DENND2D: variants seen among roughly 807,000 people sequenced by gnomAD.
The protein encoded by DENND2D is DENN domain containing 2D.
Under a neutral mutation model 59.8 loss-of-function variants are expected in DENND2D, and 37 were observed. The observed-to-expected ratio is 0.62, with a 90% CI of 0.48 to 0.81. The LOEUF is 0.81. Among genes scored for constraint, DENND2D ranks in the 40% least tolerant of loss-of-function variants. The pLI is 0.00. For missense variants in DENND2D, 525 were observed against 579.7 expected (o/e 0.91, Z 0.97); for synonymous variants, 219 against 211.3 (o/e 1.04, Z -0.31).
intron 6 of DENND2D, chr1:111,195,690 A>G (rs1203723807): frequency 7.6e-6 from 4 of 528,914 alleles, no homozygotes; most frequent in Non-Finnish European, 1.3e-5. Flanking sequence ...TTATAAATAA[A>G]AGTCTTGGTG....
chr1:111,197,575 C>T (rs989720198), intron 4 of DENND2D: 1 of 1,355,278 alleles, frequency 7.4e-7, no homozygotes, highest in South Asian at 1.7e-5. Context: ...CTCCTGAGAC[C>T]TAAGATTTGA....
intron 6 of DENND2D, chr1:111,195,486 C>T (rs629619): frequency 0.18 from 32,059 of 177,596 alleles, 3,086 homozygotes; most frequent in Middle Eastern, 0.23. Context: ...TGCCTTAAAA[C>T]GATAGCATTC....
intron 9 of DENND2D, 104 bp from the exon 10 acceptor site, chr1:111,188,890 C>T: frequency 2.1e-6 from 2 of 962,302 alleles, no homozygotes; most frequent in Admixed American, 1.8e-5. Context: ...CCCCACTCCA[C>T]CCGCAAATAG....
chr1:111,199,993 A>G (rs1658640364), intron 1 of DENND2D, 195 bp from the exon 2 acceptor site: 2 of 675,418 alleles, frequency 3.0e-6, no homozygotes, highest in Non-Finnish European at 4.8e-6. Flanking sequence ...GGTAGACTTG[A>G]AACCATGGGG....
chr1:111,199,734 CAA>C lies in DENND2D; in HGVS notation c.130_131del (p.Leu44AlafsTer11), dbSNP rs778550781. On this transcript the variant is annotated frameshift_variant, in exon 2 of 12. Coordinates refer to ENST00000357640, the MANE Select transcript of DENND2D (RefSeq NM_024901.5). LOFTEE classifies it high-confidence loss of function. ...KEPERAQEHS[L>X]PNFAGGQHFF... ...AGTGCTGCCCCCCAGCAAAGTTGGG[CAA>C]AGAGTGCTCCTGGGCCCTTTCTGGT... 1.9e-6 allele frequency: 3 copies of C among 1,614,128 alleles called. No individual in the cohort carries two copies. The highest frequency in any genetic ancestry group is 2.5e-6 in the Non-Finnish European group (3 of 1,180,006).
upstream of DENND2D, chr1:111,201,445 G>A (rs893867956): frequency 6.6e-6 from 1 of 152,248 alleles, no homozygotes; most frequent in African/African-American, 2.4e-5. Flanking sequence ...AAAACATCTG[G>A]GTGATCTCCA....
chr1:111,195,534 T>G (rs550750080), intron 6 of DENND2D: 2 of 208,646 alleles, frequency 9.6e-6, no homozygotes, highest in East Asian at 1.5e-4. Context: ...TGGGGATGGA[T>G]GATAAGAAAT....
chr1:111,200,500 A>G lies in DENND2D; in HGVS notation c.-41T>C. 1 of 1,577,600 alleles carries G rather than the reference A, an allele frequency of 6.3e-7. No individual in the cohort carries two copies. Among genetic ancestry groups the G allele is most frequent in the Non-Finnish European group, 8.6e-7 (1 of 1,161,346 alleles). ...ACAGAGCGGACTCCCCTCTCCCCTA[A>G]CACAGACAGACTGGTGACAGTAAGC... On this transcript the variant is annotated 5_prime_UTR_variant, in exon 1 of 12. Transcript: ENST00000357640.
Position 111,197,267 on chromosome 1 carries a change from GA to G in DENND2D, c.427-15del. ...AGGGCCGGCAGGCTGGGGAGGGACAGAGAGGCTCCTTCAGTGCTGCAGCCTC... is the reference window on the plus strand; with the variant it reads ...AGGGCCGGCAGGCTGGGGAGGGACAGGAGGCTCCTTCAGTGCTGCAGCCTC... On this transcript the variant is annotated splice_polypyrimidine_tract_variant and intron_variant, in intron 4 of 11. Coordinates refer to ENST00000357640, the MANE Select transcript of DENND2D (RefSeq NM_024901.5). The G allele has an allele frequency of 6.2e-7, 1 of 1,608,388 alleles. No individual in the cohort carries two copies. Among genetic ancestry groups the G allele is most frequent in the Non-Finnish European group, 8.5e-7 (1 of 1,177,936 alleles).
chr1:111,199,286 G>A (rs866138845), intron 2 of DENND2D, among the ~76,000 whole-genome samples: 3 of 152,332 alleles, frequency 2.0e-5, no homozygotes, highest in South Asian at 2.1e-4. Context: ...CATTCTAGGA[G>A]TTCTGGCAGA....
chr1:111,190,077 T>C (rs540353209), intron 8 of DENND2D, among the ~76,000 whole-genome samples: 2 of 145,126 alleles, frequency 1.4e-5, no homozygotes, highest in Non-Finnish European at 3.0e-5. Context: ...GGCAGGAGAA[T>C]GGCGTGAACC....
In DENND2D at chr1:111,197,251, A is replaced by C; in HGVS notation, c.429T>G (p.Pro143=). The change falls in exon 5 of 12, where the codon CCT becomes CCG. Residue 143 remains proline (P), a splice_region_variant and synonymous_variant. Coordinates refer to ENST00000357640, the MANE Select transcript of DENND2D (RefSeq NM_024901.5). ...TGGGAAGGCGAGGGCCAGGGCCGGC[A>C]GGCTGGGGAGGGACAGAGAGGCTCC... ...RKIGYCRRLL[P]AGPGPRLPKV... The C allele has an allele frequency of 6.2e-7, 1 of 1,612,138 alleles. No individual in the cohort carries two copies. Among genetic ancestry groups the C allele is most frequent in the Non-Finnish European group, 8.5e-7 (1 of 1,179,444 alleles).
At position 111,198,710 on chromosome 1, in the gene DENND2D, C is replaced by T. The variant is rs770793520; in HGVS notation, c.276G>A (p.Glu92=). The part of the protein sequence containing the change: ...RENLLRGQQE[E]EERLLKAIPL... ...GGATAGCTTTGAGCAGCCGCTCCTC[C>T]TCCTCCTGCTGACCCCGAAGCAGGT... Residue 92 remains glutamate (E), a synonymous_variant, in exon 3 of 12, where the codon GAG becomes GAA. Coordinates refer to ENST00000357640, the MANE Select transcript of DENND2D (RefSeq NM_024901.5). The T allele has an allele frequency of 1.7e-5, 28 of 1,614,182 alleles. No homozygotes were observed. Among genetic ancestry groups the T allele is most frequent in the Non-Finnish European group, 2.4e-5 (28 of 1,180,042 alleles).
chr1:111,198,277 A>G (rs139884286), intron 3 of DENND2D, among the ~76,000 whole-genome samples: 221 of 152,348 alleles, frequency 1.5e-3, no homozygotes, highest in African/African-American at 4.8e-3. Flanking sequence ...TCAAAGCTCA[A>G]GCAGTCAAAT....
chr1:111,198,774 G>A, intron 2 of DENND2D, 32 bp from the exon 3 acceptor site: 1 of 1,610,448 alleles, frequency 6.2e-7, no homozygotes. Flanking sequence ...AAGTGGATGT[G>A]AAGCTGGGGG....
intron 1 of DENND2D, 27 bp from the exon 2 acceptor site, chr1:111,199,825 T>C: frequency 6.2e-7 from 1 of 1,602,354 alleles, no homozygotes; most frequent in Non-Finnish European, 8.5e-7. Context: ...GCCCATTTAG[T>C]ATAATCTCAT....
chr1:111,197,287 C>T (rs761848845), intron 4 of DENND2D, 34 bp from the exon 5 acceptor site: 5 of 1,594,978 alleles, frequency 3.1e-6, no homozygotes, highest in Admixed American at 1.7e-5. Context: ...TTCAGTGCTG[C>T]AGCCTCCCCA....
upstream of DENND2D, chr1:111,204,330 A>T: frequency 6.8e-7 from 1 of 1,480,946 alleles, no homozygotes; most frequent in Non-Finnish European, 8.9e-7. Context: ...GGCTGGCTCG[A>T]AGGCGGCGGC....
chr1:111,188,574 C>T lies in DENND2D; in HGVS notation c.1099+128G>A, dbSNP rs1056509449. The T allele has an allele frequency of 1.1e-5, 13 of 1,189,410 alleles. No homozygotes were observed. The African/African-American group carries it at 1.8e-4, about 17-fold the overall frequency. 73.7% of individuals were successfully genotyped at this position (1,189,410 alleles called of 1,614,324 possible). On this transcript the variant is annotated intron_variant, in intron 10 of 11. Transcript: ENST00000357640. The stretch of plus-strand genomic sequence containing the variant: ...AATACAATCCCAAATTCAGACTTGC[C>T]CTAGGTTCTAGGCCTCTAGGGCTGG...
Sources: allele counts gnomAD v4.1 joint callset (sites outside exome capture counted in the v4.1 genomes callset), GRCh38; gene constraint gnomAD v4.1.1; transcripts MANE v1.5; gene names NCBI Gene and HGNC (gene_info 2026-07-23, HGNC 2026-07-21).